DLGAP1: variants seen among roughly 807,000 people sequenced by gnomAD.
DLGAP1 encodes disks large-associated protein 1.
Under a neutral mutation model 90.8 loss-of-function variants are expected in DLGAP1, and 11 were observed. The observed-to-expected ratio is 0.12, with a 90% CI of 0.08 to 0.20. DLGAP1 has a LOEUF of 0.20. Ranked by LOEUF, DLGAP1 falls within the 10% of genes least tolerant of loss-of-function variation. The pLI, the probability that DLGAP1 is intolerant of heterozygous loss-of-function variation, is 1.00. For missense variants in DLGAP1, 1,050 were observed against 1,333.8 expected, an observed-to-expected ratio of 0.79 and a Z score of 3.31; for synonymous variants, 558 against 540.7, an observed-to-expected ratio of 1.03 and a Z score of -0.44.
chr18:3,763,653 G>A (rs1200367370), intron 5 of DLGAP1, among the ~76,000 whole-genome samples: 2 of 151,610 alleles, frequency 1.3e-5, no homozygotes, highest in Non-Finnish European at 2.9e-5. Context: ...GAAATGAAAG[G>A]CCTATCTTTT....
At chr18:3,719,250 C>T (rs1054616398) in intron 7 of DLGAP1, among the ~76,000 whole-genome samples, 7 of 151,960 alleles carry the variant, frequency 4.6e-5, no homozygotes, top group African/African-American at 1.7e-4. Context: ...GTGGTGGATA[C>T]AGAAATCTAC....
intron 4 of DLGAP1, among the ~76,000 whole-genome samples, chr18:3,856,684 AC>A (rs1183691467): frequency 3.9e-5 from 6 of 152,210 alleles, no homozygotes; most frequent in African/African-American, 1.2e-4. Context: ...ACACAGTGAA[AC>A]CCCGTCTCTA....
intron 3 of DLGAP1, among the ~76,000 whole-genome samples, chr18:3,881,642 G>A (rs1021986619): frequency 2.6e-5 from 4 of 152,212 alleles, no homozygotes; most frequent in Non-Finnish European, 5.9e-5. Context: ...AGCCGGGCGC[G>A]GTGGCTCACT....
chr18:3,541,920 G>A (rs2052714572), intron 9 of DLGAP1, among the ~76,000 whole-genome samples: 4 of 152,058 alleles, frequency 2.6e-5, no homozygotes, highest in Admixed American at 6.6e-5. Context: ...AAAAAAAAGG[G>A]GTAACAGTCC....
intron 1 of DLGAP1, among the ~76,000 whole-genome samples, chr18:4,436,551 C>T (rs1384145293): frequency 6.6e-6 from 1 of 151,840 alleles, no homozygotes; most frequent in African/African-American, 2.4e-5. Flanking sequence ...ATAGGACATG[C>T]TTTATAAACA....
At chr18:4,443,907 A>G (rs2083597260) in intron 1 of DLGAP1, among the ~76,000 whole-genome samples, 1 of 152,260 alleles carries the variant, frequency 6.6e-6, no homozygotes, top group Non-Finnish European at 1.5e-5. Flanking sequence ...TTACTTGGAT[A>G]TAACTGCCCA....
intron 1 of DLGAP1, among the ~76,000 whole-genome samples, chr18:4,271,236 C>T (rs533709638): frequency 2.9e-4 from 44 of 152,236 alleles, no homozygotes; most frequent in African/African-American, 1.0e-3. Context: ...GAGTAGGCCC[C>T]AGGACCAATA....
chr18:3,499,362 C>T lies in DLGAP1; in HGVS notation c.2757G>A (p.Lys919=), dbSNP rs2049809596. 1.3e-6 allele frequency: 2 copies of T among 1,551,388 alleles called. No individual in the cohort carries two copies. Among genetic ancestry groups the T allele is most frequent in the Non-Finnish European group, 1.7e-6 (2 of 1,148,082 alleles). Reference sequence around the variant, plus strand: ...TCAGCGGCGCGGGGCCCTTCGCCGGCTTCTTTGGCACTGGAGGAGGGGCCC... The same window carrying T: ...TCAGCGGCGCGGGGCCCTTCGCCGGTTTCTTTGGCACTGGAGGAGGGGCCC... ...ERRAPPPVPK[K]PAKGPAPLIR... is the part of the protein sequence containing the mutation. The change falls in exon 13 of 13, where the codon AAG becomes AAA. Residue 919 remains lysine, a synonymous_variant. Coordinates refer to ENST00000315677, the MANE Select transcript of DLGAP1 (RefSeq NM_004746.4). The surrounding 1 kb of genome is among the most constrained non-coding windows in gnomAD (Gnocchi z 6.4).
chr18:3,638,141 G>T (rs1367549241), intron 7 of DLGAP1, among the ~76,000 whole-genome samples: 1 of 151,510 alleles, frequency 6.6e-6, no homozygotes, highest in African/African-American at 2.4e-5. Flanking sequence ...TAGAGACAGG[G>T]TTTCACCGTG....
At chr18:4,347,129 C>T (rs543361107) in intron 1 of DLGAP1, among the ~76,000 whole-genome samples, 11 of 152,064 alleles carry the variant, frequency 7.2e-5, no homozygotes, top group Non-Finnish European at 1.3e-4. Flanking sequence ...CAGAGAATCA[C>T]GTGTACTAAA....
chr18:3,902,013 T>G (rs1021978332), intron 3 of DLGAP1, among the ~76,000 whole-genome samples: 1 of 152,202 alleles, frequency 6.6e-6, no homozygotes, highest in Non-Finnish European at 1.5e-5. Flanking sequence ...GTGAAGTGCA[T>G]GTCTGCCTTC....
intron 7 of DLGAP1, among the ~76,000 whole-genome samples, chr18:3,672,025 C>T (rs2060103348): frequency 6.6e-6 from 1 of 151,846 alleles, no homozygotes; most frequent in South Asian, 2.1e-4. Flanking sequence ...GATATTTGTT[C>T]AGGAAAAACA....
chr18:3,551,543 C>T (rs527566912), intron 9 of DLGAP1, among the ~76,000 whole-genome samples: 1 of 152,268 alleles, frequency 6.6e-6, no homozygotes, highest in Admixed American at 6.5e-5. Context: ...CCACTATGCC[C>T]AGCCACAGTT....
chr18:3,524,223 T>C (rs116006401), intron 10 of DLGAP1, among the ~76,000 whole-genome samples: 7,027 of 151,992 alleles, frequency 0.046, 451 homozygotes, highest in African/African-American at 0.15. Context: ...TGCAGTAAGC[T>C]ATCATCACAC....
chr18:4,250,585 A>C (rs1204438798), intron 1 of DLGAP1, among the ~76,000 whole-genome samples: 1 of 152,176 alleles, frequency 6.6e-6, no homozygotes, highest in African/African-American at 2.4e-5. Context: ...ATTTAGTGGC[A>C]TTGTACCTTC....
chr18:3,652,020 C>T (rs368501962), intron 7 of DLGAP1, among the ~76,000 whole-genome samples: 6 of 151,202 alleles, frequency 4.0e-5, no homozygotes, highest in South Asian at 2.1e-4. Flanking sequence ...AAAAGTTAGC[C>T]GGGCGTGGTG....
chr18:4,311,553 A>G (rs1232479353), intron 1 of DLGAP1, among the ~76,000 whole-genome samples: 4 of 152,146 alleles, frequency 2.6e-5, no homozygotes, highest in Non-Finnish European at 5.9e-5. Context: ...AGTTTCATTT[A>G]TTTTCTTCTT....
chr18:3,733,503 C>T (rs1363616241), intron 6 of DLGAP1, among the ~76,000 whole-genome samples: 1 of 152,082 alleles, frequency 6.6e-6, no homozygotes, highest in East Asian at 1.9e-4. Flanking sequence ...ACTGTGTTGC[C>T]AGTGTTTTTT....
At chr18:4,357,660 C>G (rs982970269) in intron 1 of DLGAP1, among the ~76,000 whole-genome samples, 1 of 152,194 alleles carries the variant, frequency 6.6e-6, no homozygotes, top group African/African-American at 2.4e-5. Context: ...TTCTGAAAAA[C>G]CAGAGTAGCT....
Sources: allele counts gnomAD v4.1 joint callset (sites outside exome capture counted in the v4.1 genomes callset), GRCh38; gene constraint gnomAD v4.1.1; non-coding constraint Gnocchi (gnomAD v3.1); transcripts MANE v1.5; gene names NCBI Gene and HGNC (gene_info 2026-07-23, HGNC 2026-07-21).